The following OPCML variants were observed in gnomAD, a reference collection of about 807,000 sequenced individuals.
OPCML encodes the protein opioid binding protein/cell adhesion molecule like, also known as opioid-binding protein/cell adhesion molecule.
Under a neutral mutation model 37.8 loss-of-function variants are expected in OPCML, and 13 were observed. The observed-to-expected ratio is 0.34, with a 90% CI of 0.22 to 0.55. The LOEUF is 0.55. OPCML is among the 20% of genes least tolerant of loss of function. The probability of loss-of-function intolerance (pLI) is 0.91; values close to 1 mark genes in which losing one functional copy is unlikely to be tolerated. For synonymous variants in OPCML, 176 were observed against 168.8 expected, an observed-to-expected ratio of 1.04 and a Z score of -0.33; for missense variants, 341 against 435.6, an observed-to-expected ratio of 0.78 and a Z score of 1.93.
chr11:133,005,213 A>G lies in OPCML; in HGVS notation c.62-62203T>C, dbSNP rs146763154. 2.0e-3 allele frequency: 1,924 copies of G among 985,384 alleles called. 29 individuals carry two copies. The African/African-American group carries it at 0.032, about 16-fold the overall frequency. The allele number at this position is 985,384 out of a possible 1,614,324, so 61.0% of individuals were successfully genotyped here. A position where few individuals can be genotyped will look rare whatever the true frequency, so the allele number is the denominator to read the frequency against. ...TTCAGCCATATCCCCACTGCCAACC[A>G]CAATTCCTGGGGAGAGACGATTTTA... On this transcript the variant is annotated intron_variant, in intron 1 of 7. Transcript: ENST00000524381.
intron 2 of OPCML, among the ~76,000 whole-genome samples, chr11:132,760,701 C>A (rs372041017): frequency 6.6e-6 from 1 of 151,424 alleles, no homozygotes; most frequent in Non-Finnish European, 1.5e-5. Context: ...TGTCTTTGCA[C>A]GTGAGTTGGG....
At chr11:132,625,964 A>G (rs1404318346) in intron 3 of OPCML, among the ~76,000 whole-genome samples, 1 of 151,950 alleles carries the variant, frequency 6.6e-6, no homozygotes, top group African/African-American at 2.4e-5. Flanking sequence ...CACTTGTTAT[A>G]TTGTTTGAAT....
At position 133,345,911 on chromosome 11, in the gene OPCML, A is replaced by T. The variant is rs117666058; in HGVS notation, c.61+186353T>A. 6.0e-3 allele frequency among the ~76,000 whole-genome samples: 919 copies of T among 152,314 alleles called. 3 individuals carry two copies. The highest frequency in any genetic ancestry group is 0.014 in the Middle Eastern group (4 of 294). On this transcript the variant is annotated intron_variant, in intron 1 of 7. Coordinates refer to ENST00000524381, the MANE Select transcript of OPCML (RefSeq NM_001012393.5). The stretch of plus-strand genomic sequence containing the variant: ...TGGCTGCAATGAACACAGGCACTCT[A>T]GATTTCGTCTAATCAATAGAACCTA...
At chr11:132,959,652 T>G (rs1946050488) in intron 1 of OPCML, among the ~76,000 whole-genome samples, 1 of 152,106 alleles carries the variant, frequency 6.6e-6, no homozygotes, top group African/African-American at 2.4e-5. Context: ...GTTCACAGCG[T>G]TTCCATTTAC....
At chr11:132,746,096 G>GT (rs11403478) in intron 2 of OPCML, among the ~76,000 whole-genome samples, 13,437 of 141,712 alleles carry the variant, frequency 0.095, 679 homozygotes, top group African/African-American at 0.12. Flanking sequence ...CAAAGTTGTT[G>GT]TTTTTTTTTT....
intron 1 of OPCML, among the ~76,000 whole-genome samples, chr11:133,018,150 T>C (rs1240753112): frequency 6.6e-6 from 1 of 152,186 alleles, no homozygotes; most frequent in Non-Finnish European, 1.5e-5. Context: ...CTCTCTCTTA[T>C]TTAAGAGTCT....
intron 2 of OPCML, among the ~76,000 whole-genome samples, chr11:132,723,482 A>G (rs945260539): frequency 6.6e-6 from 1 of 152,254 alleles, no homozygotes; most frequent in South Asian, 2.1e-4. Context: ...ACTGTAAAAA[A>G]TAGAAGAGCC....
intron 4 of OPCML, among the ~76,000 whole-genome samples, chr11:132,475,188 T>C (rs952461706): frequency 1.1e-4 from 16 of 152,190 alleles, no homozygotes; most frequent in Non-Finnish European, 2.2e-4. Context: ...CTAAGACCTA[T>C]GAAGGCCTGA....
intron 1 of OPCML, among the ~76,000 whole-genome samples, chr11:133,245,851 G>A (rs1940902772): frequency 6.6e-6 from 1 of 152,134 alleles, no homozygotes; most frequent in Non-Finnish European, 1.5e-5. Context: ...ATCTTTCTCA[G>A]CAAACTAACA....
chr11:132,978,755 T>C (rs1946518871), intron 1 of OPCML, among the ~76,000 whole-genome samples: 1 of 152,184 alleles, frequency 6.6e-6, no homozygotes, highest in African/African-American at 2.4e-5. Context: ...GCTATGCTAA[T>C]GACTCAAATA....
chr11:133,156,603 G>A (rs1285310357), intron 1 of OPCML, among the ~76,000 whole-genome samples: 5 of 152,182 alleles, frequency 3.3e-5, no homozygotes, highest in Admixed American at 2.6e-4. Context: ...CATAATAGGA[G>A]CTAATGAAAA....
intron 1 of OPCML, among the ~76,000 whole-genome samples, chr11:133,384,267 A>G (rs1224192101): frequency 1.1e-4 from 4 of 35,236 alleles, no homozygotes; most frequent in Admixed American, 3.1e-4. Flanking sequence ...AAAAAAAAAG[A>G]AAAGAAAAGA....
chr11:133,024,221 C>T, intron 1 of OPCML: 1 of 331,396 alleles, frequency 3.0e-6, no homozygotes. Flanking sequence ...TTCATCAGAC[C>T]AACCTCAGGC....
intron 4 of OPCML, among the ~76,000 whole-genome samples, chr11:132,472,732 C>A (rs1213474022): frequency 6.6e-6 from 1 of 152,222 alleles, no homozygotes; most frequent in Non-Finnish European, 1.5e-5. Flanking sequence ...TGAACAATCT[C>A]TCCCCACTGG....
intron 2 of OPCML, among the ~76,000 whole-genome samples, chr11:132,889,306 CA>C (rs1943550970): frequency 6.6e-6 from 1 of 152,194 alleles, no homozygotes; most frequent in South Asian, 2.1e-4. Flanking sequence ...GCAAGTGCTA[CA>C]AAGTTGCTTT....
chr11:132,568,051 CGCGTGT>C (rs1242387382), intron 3 of OPCML, among the ~76,000 whole-genome samples: 2 of 149,882 alleles, frequency 1.3e-5, no homozygotes, highest in South Asian at 2.1e-4. Context: ...TGCGCGCGCG[CGCGTGT>C]GTGTGTGTGT....
At chr11:133,303,408 A>G (rs1407570000) in intron 1 of OPCML, among the ~76,000 whole-genome samples, 1 of 152,204 alleles carries the variant, frequency 6.6e-6, no homozygotes, top group African/African-American at 2.4e-5. Flanking sequence ...TCATCTACCT[A>G]CTGCACAACA....
chr11:132,921,105 C>T (rs1450442031), intron 2 of OPCML, among the ~76,000 whole-genome samples: 3 of 152,200 alleles, frequency 2.0e-5, no homozygotes, highest in African/African-American at 7.2e-5. Flanking sequence ...TGTTTTCTTT[C>T]CTGATAGTAC....
chr11:132,561,712 T>C (rs976629695), intron 3 of OPCML, among the ~76,000 whole-genome samples: 3 of 152,242 alleles, frequency 2.0e-5, no homozygotes, highest in African/African-American at 4.8e-5. Flanking sequence ...TGAATTTAAA[T>C]TCTGAATGAT....
Sources: allele counts gnomAD v4.1 joint callset (sites outside exome capture counted in the v4.1 genomes callset), GRCh38; gene constraint gnomAD v4.1.1; transcripts MANE v1.5; gene names NCBI Gene and HGNC (gene_info 2026-07-23, HGNC 2026-07-21).